Variants in TOPAZ1 observed in about 807,000 individuals in gnomAD.
TOPAZ1 encodes the protein protein TOPAZ1.
Under a neutral mutation model 172.2 loss-of-function variants are expected in TOPAZ1, and 66 were observed. The observed-to-expected ratio is 0.38, with a 90% CI of 0.31 to 0.47. The LOEUF (loss-of-function observed/expected upper bound fraction) is 0.47, where lower values mean the gene tolerates loss of function less well. Ranked by LOEUF, TOPAZ1 falls within the 20% of genes least tolerant of loss-of-function variation. TOPAZ1 has a pLI of 0.99. For synonymous variants in TOPAZ1, 681 were observed against 683.9 expected, an observed-to-expected ratio of 1.00 and a Z score of 0.07; for missense variants, 1,822 against 1,972.4, an observed-to-expected ratio of 0.92 and a Z score of 1.44.
intron 1 of TOPAZ1, among the ~76,000 whole-genome samples, 188 bp from the exon 2 acceptor site, chr3:44,242,665 G>A (rs1292238182): frequency 6.6e-6 from 1 of 152,154 alleles, no homozygotes; most frequent in Non-Finnish European, 1.5e-5. Context: ...AGTTGCCTTA[G>A]AATTTATACA....
rs998117298 is a variant in TOPAZ1 at position 44,244,000 on chromosome 3, A to G, written c.1494A>G (p.Ser498=). 6.4e-7 allele frequency: 1 copy of G among 1,552,110 alleles called. No individual in the cohort carries two copies. The highest frequency in any genetic ancestry group is 8.7e-7 in the Non-Finnish European group (1 of 1,147,078). Residue 498 remains serine, a synonymous_variant, in exon 2 of 20, where the codon TCA becomes TCG. Transcript: ENST00000309765. ...GTAAAAGAACTTGGCCCTATTATTC[A>G]TGTGCTAGAATATCTGCCTGGTGTT... ...MTGKRTWPYY[S]CARISAWCWK...
At chr3:44,307,711 A>G (rs549354784) in intron 15 of TOPAZ1, among the ~76,000 whole-genome samples, 1 of 152,326 alleles carries the variant, frequency 6.6e-6, no homozygotes, top group South Asian at 2.1e-4. Context: ...TATACGTTCA[A>G]TAACATTTAA....
Position 44,242,859 on chromosome 3 carries a change from A to T in TOPAZ1, c.353A>T (p.Glu118Val). The change falls in exon 2 of 20, where the codon GAA (glutamate) becomes GTA (valine). Residue 118 changes from glutamate to valine, a missense_variant. Physicochemically the swap from Glu to Val is moderately radical, Grantham distance 121. Transcript: ENST00000309765. The part of the protein sequence containing the change: ...LPLQTERHTK[E>V]KRKVTEASSD... ...ATTTTGTTGTTTTGATCAGCCAAGGAAAAAAGAAAAGTTACTGAAGCCTCA... is the reference window on the plus strand; with the variant it reads ...ATTTTGTTGTTTTGATCAGCCAAGGTAAAAAGAAAAGTTACTGAAGCCTCA... The T allele has an allele frequency of 6.7e-7, 1 of 1,499,872 alleles. No homozygotes were observed. The highest frequency in any genetic ancestry group is 8.9e-7 in the Non-Finnish European group (1 of 1,128,496). 92.9% of individuals were successfully genotyped at this position (1,499,872 alleles called of 1,614,324 possible).
At chr3:44,282,622 C>G (rs1387046) in intron 9 of TOPAZ1, among the ~76,000 whole-genome samples, 72,523 of 151,898 alleles carry the variant, frequency 0.48, 18,195 homozygotes, top group East Asian at 0.81. Context: ...CATTCTTTGC[C>G]ACCTTCTCCC....
At chr3:44,242,585 A>G (rs1699498355) in intron 1 of TOPAZ1, among the ~76,000 whole-genome samples, 186 bp downstream of exon 1, 1 of 152,200 alleles carries the variant, frequency 6.6e-6, no homozygotes, top group Admixed American at 6.5e-5. Context: ...GGTCAGAATT[A>G]TGATAGGAGG....
At chr3:44,334,294 T>C (rs1700701430), downstream of TOPAZ1, among the ~76,000 whole-genome samples, 1 of 152,180 alleles carries the variant, frequency 6.6e-6, no homozygotes, top group Admixed American at 6.5e-5. Flanking sequence ...CATGCTCCTC[T>C]GTACCTTCTG....
At chr3:44,306,208 G>A in intron 14 of TOPAZ1, 118 bp from the exon 15 acceptor site, 2 of 591,488 alleles carry the variant, frequency 3.4e-6, no homozygotes, top group African/African-American at 1.8e-5. Context: ...ACAAAAACGG[G>A]GCACAGTTTG....
rs539906466 is a variant in TOPAZ1 at position 44,255,426 on chromosome 3, GT to G, written c.2827+398del. ...CCAGCACTTTGGGAGTCCGCGGCAGGTGGATCACGAGGTCAGGAGATCGAGA... is the reference window on the plus strand; with the variant it reads ...CCAGCACTTTGGGAGTCCGCGGCAGGGGATCACGAGGTCAGGAGATCGAGA... On this transcript the variant is annotated intron_variant, in intron 3 of 19. Coordinates refer to ENST00000309765, the MANE Select transcript of TOPAZ1 (RefSeq NM_001145030.2). 1.6e-4 allele frequency among the ~76,000 whole-genome samples: 24 copies of G among 152,132 alleles called. No individual in the cohort carries two copies. In the East Asian group the frequency reaches 4.6e-3, roughly 29 times the overall value.
intron 12 of TOPAZ1, among the ~76,000 whole-genome samples, chr3:44,298,031 A>G (rs1700219067): frequency 6.6e-6 from 1 of 152,256 alleles, no homozygotes; most frequent in Admixed American, 6.5e-5. Context: ...TAAAGGTGTC[A>G]ATGCTTCAAA....
chr3:44,241,989 T>C lies in TOPAZ1; in HGVS notation c.-65T>C. On this transcript the variant is annotated 5_prime_UTR_variant, in exon 1 of 20. Transcript: ENST00000309765. Reference sequence around the variant, plus strand: ...TAGGTACCTCCAGGCGGGAGCAGCGTTTGCACCGCGGTGGGTTCCTGCGAG... The same window carrying C: ...TAGGTACCTCCAGGCGGGAGCAGCGCTTGCACCGCGGTGGGTTCCTGCGAG... 1 of 1,445,684 alleles carries C rather than the reference T, an allele frequency of 6.9e-7. No homozygotes were observed. Among genetic ancestry groups the C allele is most frequent in the Non-Finnish European group, 9.3e-7 (1 of 1,073,274 alleles). 89.6% of individuals were successfully genotyped at this position (1,445,684 alleles called of 1,614,324 possible).
At chr3:44,300,958 A>G (rs188809210) in intron 12 of TOPAZ1, among the ~76,000 whole-genome samples, 2 of 152,320 alleles carry the variant, frequency 1.3e-5, no homozygotes, top group East Asian at 3.9e-4. Context: ...GGGAGAAACT[A>G]TGAAATGTGC....
chr3:44,244,449 G>A lies in TOPAZ1; in HGVS notation c.1943G>A (p.Gly648Asp), dbSNP rs1282566314. 3 of 1,551,654 alleles carry A rather than the reference G, an allele frequency of 1.9e-6. No homozygotes were observed. Among genetic ancestry groups the A allele is most frequent in the South Asian group, 1.2e-5 (1 of 84,022 alleles). ...AATTTGACAGCGACTTCCAAAGATG[G>A]TCAGGAAGCAAATAACTCTGCAGGC... ...KLNLTATSKDGQEANNSAGKT... is the reference protein window; with the variant it reads ...KLNLTATSKDDQEANNSAGKT... Residue 648 changes from glycine to aspartate, a missense_variant, in exon 2 of 20, where the codon GGT (glycine) becomes GAT (aspartate). Physicochemically the swap from Gly to Asp is moderately conservative, Grantham distance 94. Coordinates refer to ENST00000309765, the MANE Select transcript of TOPAZ1 (RefSeq NM_001145030.2).
intron 5 of TOPAZ1, among the ~76,000 whole-genome samples, chr3:44,265,616 C>T (rs1477392203): frequency 1.3e-5 from 2 of 152,114 alleles, no homozygotes; most frequent in Admixed American, 6.5e-5. Flanking sequence ...CAGCAGAGTT[C>T]TTGGGTGACA....
At chr3:44,319,115 C>T (rs1304444975) in intron 16 of TOPAZ1, among the ~76,000 whole-genome samples, 1 of 152,050 alleles carries the variant, frequency 6.6e-6, no homozygotes, top group Non-Finnish European at 1.5e-5. Flanking sequence ...CCAGGTGGCT[C>T]AATCCTGCAA....
chr3:44,310,385 A>G (rs1457725493), intron 16 of TOPAZ1, among the ~76,000 whole-genome samples: 2 of 151,998 alleles, frequency 1.3e-5, no homozygotes, highest in East Asian at 1.9e-4. Context: ...TGTAATCCCA[A>G]CTACTCAGGA....
At chr3:44,260,300 A>C (rs1699761856) in intron 4 of TOPAZ1, among the ~76,000 whole-genome samples, 1 of 152,168 alleles carries the variant, frequency 6.6e-6, no homozygotes, top group African/African-American at 2.4e-5. Flanking sequence ...GGAACTTTTC[A>C]TGAAATAAAC....
At chr3:44,253,190 T>TAATATGCCAGGAC (rs138264990) in intron 2 of TOPAZ1, among the ~76,000 whole-genome samples, 1 of 152,300 alleles carries the variant, frequency 6.6e-6, no homozygotes, top group African/African-American at 2.4e-5. Flanking sequence ...GAGCTGTTAA[T>TAATATGCCAGGAC]AATATGCCAG....
At position 44,243,246 on chromosome 3, in the gene TOPAZ1, A is replaced by T. The variant is rs747819827; in HGVS notation, c.740A>T (p.Lys247Ile). The T allele has an allele frequency of 6.4e-7, 1 of 1,551,370 alleles. No individual in the cohort carries two copies. The highest frequency in any genetic ancestry group is 8.7e-7 in the Non-Finnish European group (1 of 1,146,914). The part of the protein sequence containing the change: ...GCNDENNLPY[K>I]PDGGCMHVAE... The stretch of plus-strand genomic sequence containing the variant: ...AATGATGAAAACAACCTGCCATATA[A>T]ACCTGATGGTGGATGTATGCATGTA... Residue 247 changes from lysine (K) to isoleucine (I), a missense_variant, in exon 2 of 20, where the codon AAA becomes ATA. Physicochemically the swap from Lys to Ile is moderately radical, Grantham distance 102 (BLOSUM62 -3). Around this residue, in one of 2 missense-constraint regions of TOPAZ1, gnomAD observed 1,489 missense variants for 1,490.8 expected, o/e 1.00. Coordinates refer to ENST00000309765, the MANE Select transcript of TOPAZ1 (RefSeq NM_001145030.2).
chr3:44,276,275 C>T (rs1559534183), intron 8 of TOPAZ1, among the ~76,000 whole-genome samples: 1 of 152,072 alleles, frequency 6.6e-6, no homozygotes, highest in Non-Finnish European at 1.5e-5. Context: ...AGACCAATGT[C>T]CTATAGTATC....
Sources: allele counts gnomAD v4.1 joint callset (sites outside exome capture counted in the v4.1 genomes callset), GRCh38; gene constraint gnomAD v4.1.1; regional missense constraint gnomAD v4.1.1; transcripts MANE v1.5; gene names NCBI Gene and HGNC (gene_info 2026-07-23, HGNC 2026-07-21).